Variants in HDAC9 observed in about 807,000 individuals in gnomAD.
The protein encoded by HDAC9 is histone deacetylase 9.
A neutral mutation model predicts 139.4 loss-of-function variants in HDAC9; 41 were observed. The ratio of observed to expected loss-of-function variants is 0.29; its 90% CI spans 0.23 to 0.38. The LOEUF (loss-of-function observed/expected upper bound fraction) is 0.38. Among genes scored for constraint, HDAC9 ranks in the 10% least tolerant of loss-of-function variants. HDAC9 has a pLI of 1.00. For missense variants in HDAC9, 1,147 were observed against 1,297.0 expected (o/e 0.88, Z 1.78); for synonymous variants, 517 against 476.2 (o/e 1.09, Z -1.12).
chr7:18,471,384 T>G (rs1442891171), intron 1 of HDAC9, among the ~76,000 whole-genome samples: 3 of 152,210 alleles, frequency 2.0e-5, no homozygotes, highest in Admixed American at 2.0e-4. Context: ...TTTTAGTTTT[T>G]ATCCAATATT....
At chr7:18,304,056 C>T (rs1169411908) in intron 1 of HDAC9, among the ~76,000 whole-genome samples, 4 of 152,220 alleles carry the variant, frequency 2.6e-5, no homozygotes, top group Admixed American at 1.3e-4. Flanking sequence ...CATAGAATTT[C>T]GTTGACCTGG....
intron 12 of HDAC9, among the ~76,000 whole-genome samples, chr7:18,672,142 T>C (rs538834453): frequency 6.6e-6 from 1 of 152,160 alleles, no homozygotes; most frequent in South Asian, 2.1e-4. Flanking sequence ...CTGTTTTCCA[T>C]GTAGCTGAAC....
At chr7:18,183,423 T>C (rs185523634) in intron 2 of HDAC9, among the ~76,000 whole-genome samples, 116 of 152,342 alleles carry the variant, frequency 7.6e-4, no homozygotes, top group Non-Finnish European at 1.2e-3. Context: ...ATAATTACGA[T>C]GGCTAGAAGG....
rs370915942 is a variant in HDAC9 at position 18,629,318 on chromosome 7, A to G, written c.665-32A>G. 161 of 1,473,062 alleles carry G rather than the reference A, an allele frequency of 1.1e-4. 1 individual carries two copies. The African/African-American group carries it at 2.4e-3, about 22-fold the overall frequency. The allele number at this position is 1,473,062 out of a possible 1,614,324, so 91.2% of individuals were successfully genotyped here. A position where few individuals can be genotyped will look rare whatever the true frequency, so the allele number is the denominator to read the frequency against. On this transcript the variant is annotated intron_variant, in intron 6 of 25. Coordinates refer to ENST00000686413, the MANE Select transcript of HDAC9 (RefSeq NM_178425.4). ...TTGGCTCTCTATTTTTTTAATTTTT[A>G]TCTATTTTTTTTTTTTTGTCTCAAT...
chr7:18,648,342 C>G lies in HDAC9; in HGVS notation c.1250-124C>G, dbSNP rs1347772252. On this transcript the variant is annotated intron_variant, in intron 10 of 25. Transcript: ENST00000686413. ...GTAGCATCACTAATTCACTAATTTT[C>G]TTACAGTTTATACCATGTATCTGTT... 6.3e-6 allele frequency: 5 copies of G among 793,006 alleles called. No individual in the cohort carries two copies. In the East Asian group the frequency reaches 7.9e-5, roughly 13 times the overall value. 49.1% of individuals were successfully genotyped at this position (793,006 alleles called of 1,614,324 possible).
intron 15 of HDAC9, among the ~76,000 whole-genome samples, 197 bp downstream of exon 15, chr7:18,762,474 T>TAGGTTC (rs143713927): frequency 0.072 from 10,890 of 152,254 alleles, 590 homozygotes; most frequent in East Asian, 0.23. Flanking sequence ...AATGACAATG[T>TAGGTTC]AGGTTCCATG....
intron 22 of HDAC9, among the ~76,000 whole-genome samples, chr7:18,889,713 G>T (rs189312933): frequency 6.6e-6 from 1 of 152,040 alleles, no homozygotes; most frequent in Non-Finnish European, 1.5e-5. Flanking sequence ...TTGTTTTGTC[G>T]TTGAGATAGT....
chr7:18,244,121 G>A (rs1056870107), intron 2 of HDAC9, among the ~76,000 whole-genome samples: 7 of 152,226 alleles, frequency 4.6e-5, no homozygotes, highest in South Asian at 2.1e-4. Context: ...AATAAAACGA[G>A]TAACTTCCCA....
intron 2 of HDAC9, among the ~76,000 whole-genome samples, chr7:18,176,300 C>T (rs1283144914): frequency 6.6e-6 from 1 of 152,128 alleles, no homozygotes; most frequent in East Asian, 1.9e-4. Context: ...CCAGGAATGC[C>T]GTACAAATGG....
intron 6 of HDAC9, among the ~76,000 whole-genome samples, chr7:18,616,173 A>G (rs1013739523): frequency 1.3e-5 from 2 of 152,168 alleles, no homozygotes; most frequent in Non-Finnish European, 2.9e-5. Flanking sequence ...TTTTTAAGTC[A>G]GTTGATTGGC....
At chr7:18,523,195 A>G in intron 2 of HDAC9, among the ~76,000 whole-genome samples, 1 of 152,200 alleles carries the variant, frequency 6.6e-6, no homozygotes, top group East Asian at 1.9e-4. Context: ...ATGCAAAGCT[A>G]GTGACTTTGA....
At chr7:18,536,389 A>T (rs2128594953) in intron 2 of HDAC9, among the ~76,000 whole-genome samples, 1 of 152,352 alleles carries the variant, frequency 6.6e-6, no homozygotes, top group Admixed American at 6.5e-5. Flanking sequence ...AAAATTTGTA[A>T]CTTAATTTGG....
intron 1 of HDAC9, among the ~76,000 whole-genome samples, chr7:18,366,446 G>A (rs1056859724): frequency 1.3e-5 from 2 of 152,132 alleles, no homozygotes; most frequent in African/African-American, 4.8e-5. Context: ...CTGCCCCAAA[G>A]TAACTGGCAA....
intron 1 of HDAC9, among the ~76,000 whole-genome samples, chr7:18,326,691 C>CT (rs1800472462): frequency 6.6e-6 from 1 of 151,910 alleles, no homozygotes; most frequent in Admixed American, 6.6e-5. Flanking sequence ...TTTAAAAACT[C>CT]TATTAGTGCT....
At chr7:18,359,150 G>T (rs1429612647) in intron 1 of HDAC9, among the ~76,000 whole-genome samples, 4 of 152,162 alleles carry the variant, frequency 2.6e-5, no homozygotes, top group Non-Finnish European at 4.4e-5. Context: ...GATGTCAGGA[G>T]TTCAATATCG....
intron 22 of HDAC9, among the ~76,000 whole-genome samples, chr7:18,896,643 CT>C (rs1801224780): frequency 6.6e-6 from 1 of 152,024 alleles, no homozygotes; most frequent in African/African-American, 2.4e-5. Flanking sequence ...TAACACAAAG[CT>C]TAATAAAACT....
At chr7:18,695,935 C>G (rs1312286868) in intron 12 of HDAC9, among the ~76,000 whole-genome samples, 2 of 151,966 alleles carry the variant, frequency 1.3e-5, no homozygotes, top group Non-Finnish European at 2.9e-5. Flanking sequence ...TATAATGGAC[C>G]TAGATGGTAA....
intron 1 of HDAC9, among the ~76,000 whole-genome samples, chr7:18,305,717 T>C (rs1019662279): frequency 1.3e-5 from 2 of 151,040 alleles, no homozygotes; most frequent in Non-Finnish European, 2.9e-5. Flanking sequence ...TGGGCAGGGG[T>C]CTAATAGATG....
chr7:18,875,123 T>C (rs1799223148), intron 22 of HDAC9, among the ~76,000 whole-genome samples: 1 of 152,204 alleles, frequency 6.6e-6, no homozygotes, highest in African/African-American at 2.4e-5. Flanking sequence ...GTTGGACTTT[T>C]TGGCTGTGTT....
Sources: allele counts gnomAD v4.1 joint callset (sites outside exome capture counted in the v4.1 genomes callset), GRCh38; gene constraint gnomAD v4.1.1; transcripts MANE v1.5; gene names NCBI Gene and HGNC (gene_info 2026-07-23, HGNC 2026-07-21).